PKNOX2: variants seen among roughly 807,000 people sequenced by gnomAD.
PKNOX2 encodes homeobox protein PKNOX2.
PKNOX2 carries 14 observed loss-of-function variants against 53.1 expected under a neutral mutation model. The ratio of observed to expected loss-of-function variants is 0.26; its 90% CI spans 0.17 to 0.41. The LOEUF is 0.41. Ranked by LOEUF, PKNOX2 falls within the 10% of genes least tolerant of loss-of-function variation. The probability of loss-of-function intolerance (pLI) is 1.00; values close to 1 mark genes in which losing one functional copy is unlikely to be tolerated. For missense variants in PKNOX2, 496 were observed against 602.8 expected (o/e 0.82, Z 1.85); for synonymous variants, 257 against 242.8 (o/e 1.06, Z -0.54).
intron 1 of PKNOX2, among the ~76,000 whole-genome samples, chr11:125,209,733 TTTG>T (rs994162783): frequency 6.6e-6 from 1 of 152,020 alleles, no homozygotes; most frequent in African/African-American, 2.4e-5. Flanking sequence ...CAGAGCCATC[TTTG>T]TTGTGGAAAA....
At chr11:125,202,844 G>A (rs1938608619) in intron 1 of PKNOX2, among the ~76,000 whole-genome samples, 1 of 152,086 alleles carries the variant, frequency 6.6e-6, no homozygotes, top group African/African-American at 2.4e-5. Context: ...TTAGAGATGG[G>A]CAAATTAACT....
chr11:125,308,238 C>T (rs111556430), intron 2 of PKNOX2, among the ~76,000 whole-genome samples: 36 of 152,338 alleles, frequency 2.4e-4, no homozygotes, highest in Admixed American at 8.5e-4. Flanking sequence ...CCCTTGGCCA[C>T]GATGGGTAGC....
intron 2 of PKNOX2, among the ~76,000 whole-genome samples, chr11:125,235,807 C>T (rs1015591762): frequency 6.6e-6 from 1 of 152,168 alleles, no homozygotes; most frequent in Admixed American, 6.5e-5. Context: ...CTGTCCCCAC[C>T]TCTGGCTGTC....
At chr11:125,343,424 GA>G (rs1950812043) in intron 3 of PKNOX2, among the ~76,000 whole-genome samples, 1 of 151,988 alleles carries the variant, frequency 6.6e-6, no homozygotes, top group Non-Finnish European at 1.5e-5. Context: ...TTGTTTAAAG[GA>G]ACCAAAGGGG....
In PKNOX2 at chr11:125,422,449, C is replaced by T. The variant is rs555795117; in HGVS notation, c.937-6563C>T. Among the ~76,000 whole-genome samples the T allele has an allele frequency of 1.3e-5, 2 of 152,244 alleles. No individual in the cohort carries two copies. The highest frequency in any genetic ancestry group is 6.5e-5 in the Admixed American group (1 of 15,288). ...GCTGTAGGGATCTAGAGAGAAGCTGCCCTCCAACTCCCCAGGAGTGATGTT... is the reference window on the plus strand; with the variant it reads ...GCTGTAGGGATCTAGAGAGAAGCTGTCCTCCAACTCCCCAGGAGTGATGTT... On this transcript the variant is annotated intron_variant, in intron 10 of 12. Coordinates refer to ENST00000298282, the MANE Select transcript of PKNOX2 (RefSeq NM_001382323.2). The surrounding 1 kb of genome is among the most constrained non-coding windows in gnomAD (Gnocchi z 4.1).
intron 4 of PKNOX2, among the ~76,000 whole-genome samples, chr11:125,360,146 CAA>C (rs547553077): frequency 1.7e-4 from 14 of 80,590 alleles, no homozygotes; most frequent in Admixed American, 2.9e-4. Context: ...AACTCCATCT[CAA>C]AAAAAAAAAA....
At chr11:125,272,208 G>A (rs1945843659) in intron 2 of PKNOX2, among the ~76,000 whole-genome samples, 1 of 152,232 alleles carries the variant, frequency 6.6e-6, no homozygotes, top group Non-Finnish European at 1.5e-5. Context: ...TCGTGGGGGT[G>A]TGAGGAAAGC....
At chr11:125,199,051 G>A (rs1938123656) in intron 1 of PKNOX2, among the ~76,000 whole-genome samples, 1 of 152,088 alleles carries the variant, frequency 6.6e-6, no homozygotes. Flanking sequence ...ATGTTGGCCA[G>A]GCTGATCTCA....
In PKNOX2 at chr11:125,212,614, A is replaced by G. The variant is rs1591482656; in HGVS notation, c.-200-22431A>G. 2.0e-5 allele frequency among the ~76,000 whole-genome samples: 3 copies of G among 151,632 alleles called. No individual in the cohort carries two copies. In the East Asian group the frequency reaches 5.8e-4, roughly 29 times the overall value. The stretch of plus-strand genomic sequence containing the variant: ...CAGAGCTCGGTGTTGCCAGGGGACT[A>G]CACTGAACAGAGAGGGAAGAGAGGA... On this transcript the variant is annotated intron_variant, in intron 1 of 12. Transcript: ENST00000298282.
intron 2 of PKNOX2, among the ~76,000 whole-genome samples, chr11:125,315,338 C>A (rs1949107824): frequency 7.2e-6 from 1 of 139,790 alleles, no homozygotes; most frequent in African/African-American, 2.8e-5. Flanking sequence ...ACACCTCTCT[C>A]TGCATTAAAA....
intron 8 of PKNOX2, 37 bp downstream of exon 8, chr11:125,410,362 T>A (rs1467823157): frequency 1.2e-6 from 2 of 1,611,888 alleles, no homozygotes; most frequent in Admixed American, 1.7e-5. Context: ...TTGTGGGAAT[T>A]CCCTGGGAGG....
chr11:125,381,736 C>T (rs1259833994), intron 5 of PKNOX2, among the ~76,000 whole-genome samples: 1 of 152,190 alleles, frequency 6.6e-6, no homozygotes, highest in Non-Finnish European at 1.5e-5. Context: ...TCCCTCCACT[C>T]CCCACCTGCC....
intron 1 of PKNOX2, among the ~76,000 whole-genome samples, chr11:125,222,743 G>A (rs1379761055): frequency 6.7e-6 from 1 of 150,188 alleles, no homozygotes; most frequent in African/African-American, 2.5e-5. Context: ...GTGTGTCTGT[G>A]TCTGTGTGCC....
At chr11:125,269,557 G>C (rs750470450) in intron 2 of PKNOX2, among the ~76,000 whole-genome samples, 7 of 152,190 alleles carry the variant, frequency 4.6e-5, no homozygotes, top group African/African-American at 1.7e-4. Flanking sequence ...GCAGAGGCAC[G>C]ACCAAGTCTC....
Position 125,429,025 on chromosome 11 carries a change from C to T in PKNOX2, c.950C>T (p.Thr317Met), listed in dbSNP as rs1591570443. The change falls in exon 11 of 13, where the codon ACG becomes ATG. Residue 317 changes from threonine (T) to methionine (M), a missense_variant. Transcript: ENST00000298282. Reference sequence around the variant, plus strand: ...CTCTCGTTTCAGCACCCCTACCCCACGGAGGATGAGAAGAGGCAGATCGCA... The same window carrying T: ...CTCTCGTTTCAGCACCCCTACCCCATGGAGGATGAGAAGAGGCAGATCGCA... ...LFQHLMHPYP[T>M]EDEKRQIAAQ... 3 of 1,613,588 alleles carry T rather than the reference C, an allele frequency of 1.9e-6. No individual in the cohort carries two copies. The highest frequency in any genetic ancestry group is 1.7e-6 in the Non-Finnish European group (2 of 1,179,504).
At chr11:125,220,549 G>T (rs962402287) in intron 1 of PKNOX2, among the ~76,000 whole-genome samples, 2 of 152,148 alleles carry the variant, frequency 1.3e-5, no homozygotes, top group African/African-American at 4.8e-5. Flanking sequence ...CCACCATTGT[G>T]AGATGGGAAG....
intron 4 of PKNOX2, among the ~76,000 whole-genome samples, chr11:125,360,624 A>T (rs1951872226): frequency 6.6e-6 from 1 of 152,162 alleles, no homozygotes; most frequent in African/African-American, 2.4e-5. Context: ...CCTACCTCCC[A>T]GGGAATTTAT....
At chr11:125,337,398 G>T (rs1290138871) in intron 3 of PKNOX2, among the ~76,000 whole-genome samples, 1 of 152,204 alleles carries the variant, frequency 6.6e-6, no homozygotes, top group African/African-American at 2.4e-5. Context: ...TAAACTCCAA[G>T]TTCTCACATG....
intron 2 of PKNOX2, among the ~76,000 whole-genome samples, chr11:125,251,667 C>T (rs112590193): frequency 2.0e-5 from 3 of 151,814 alleles, no homozygotes; most frequent in Admixed American, 6.6e-5. Flanking sequence ...TTCTGAGGTC[C>T]GCCTGCCTTT....
Sources: gnomAD v4.1 joint callset for allele counts (sites outside exome capture counted in the v4.1 genomes callset) on GRCh38, gnomAD v4.1.1 for gene constraint, Gnocchi (gnomAD v3.1) non-coding constraint, MANE v1.5 for transcripts, NCBI Gene and HGNC (gene_info 2026-07-23, HGNC 2026-07-21) for gene names.